The following TMEM106C variants were observed in gnomAD, a reference collection of about 807,000 sequenced individuals.
The protein encoded by TMEM106C is transmembrane protein 106C.
In TMEM106C, 27 loss-of-function variants were observed where a neutral mutation model predicts 30.8. The observed-to-expected ratio is 0.88, with a 90% confidence interval of 0.65 to 1.21. TMEM106C has a LOEUF of 1.21. Ranked by LOEUF, TMEM106C falls within the 50% of genes most tolerant of loss-of-function variation. The probability of loss-of-function intolerance (pLI) is 0.00; values close to 1 mark genes in which losing one functional copy is unlikely to be tolerated. For synonymous variants in TMEM106C, 123 were observed against 118.8 expected, an observed-to-expected ratio of 1.04 and a Z score of -0.23; for missense variants, 288 against 307.8, an observed-to-expected ratio of 0.94 and a Z score of 0.48.
rs753401785 is a variant in TMEM106C, at chr12:47,965,379, C to A, written c.251+34C>A. The A allele has an allele frequency of 7.6e-6, 12 of 1,573,402 alleles. 1 individual carries two copies. In the South Asian group the frequency reaches 1.3e-4, roughly 18 times the overall value. ...CCTGCTTCTCACCTGTTAATACCTACTTCTGTCCCTAATCTCTTTCTGTAT... is the reference window on the plus strand; with the variant it reads ...CCTGCTTCTCACCTGTTAATACCTAATTCTGTCCCTAATCTCTTTCTGTAT... On this transcript the variant is annotated intron_variant, in intron 3 of 7. Coordinates refer to ENST00000429772, the MANE Select transcript of TMEM106C (RefSeq NM_001143842.2).
rs202082515 is a variant in TMEM106C, at chr12:47,967,111, AG to A, written c.603-91del. ...TGGCAGCACTTAGGTCGGAAGGGGG[AG>A]GGGGGCACCCCAAACAGGACAGTGT... On this transcript the variant is annotated intron_variant, in intron 6 of 7. Transcript: ENST00000429772. 1.8e-5 allele frequency: 22 copies of A among 1,254,806 alleles called. No homozygotes were observed. In the East Asian group the frequency reaches 3.9e-4, roughly 22 times the overall value. The allele number at this position is 1,254,806 out of a possible 1,614,324, so 77.7% of individuals were successfully genotyped here.
At chr12:47,964,055 A>C in intron 1 of TMEM106C, 154 bp from the exon 2 acceptor site, 2 of 647,816 alleles carry the variant, frequency 3.1e-6, no homozygotes, top group South Asian at 3.8e-5. Context: ...GCACTACTAC[A>C]AAATGAGGGT....
rs749237830 is a variant in TMEM106C at position 47,965,335 on chromosome 12, C to G, written c.241C>G (p.Pro81Ala). The G allele has an allele frequency of 6.2e-7, 1 of 1,613,998 alleles. No homozygotes were observed. The highest frequency in any genetic ancestry group is 1.1e-5 in the South Asian group (1 of 91,058). The change falls in exon 3 of 8, where the codon CCT becomes GCT. Residue 81 changes from proline to alanine, a missense_variant. By Grantham distance (27) the Pro-to-Ala change is conservative. Transcript: ENST00000429772. The stretch of plus-strand genomic sequence containing the variant: ...CCCACACAGTGATCAGAGATTGCGC[C>G]CTCAGCGAACGTGAGTTACCTGCTT... The part of the protein sequence containing the change: ...LIPHSDQRLR[P>A]QRTKQYVLLS...
chr12:47,965,951 A>T lies in TMEM106C; in HGVS notation c.365A>T (p.Lys122Ile). Residue 122 changes from lysine to isoleucine, a missense_variant, in exon 4 of 8, where the codon AAA (lysine) becomes ATA (isoleucine). Physicochemically the swap from Lys to Ile is moderately radical, Grantham distance 102. Coordinates refer to ENST00000429772, the MANE Select transcript of TMEM106C (RefSeq NM_001143842.2). ...LVDDDGIKVVKVTFNKQDSLV... is the reference protein window; with the variant it reads ...LVDDDGIKVVIVTFNKQDSLV... ...GATGATGACGGCATCAAAGTGGTGA[A>T]AGTCACATTTAATAAGCAAGACTCC... is the stretch of plus-strand genomic sequence containing the variant. 3 of 1,614,182 alleles carry T rather than the reference A, an allele frequency of 1.9e-6. No individual in the cohort carries two copies. Among genetic ancestry groups the T allele is most frequent in the Non-Finnish European group, 2.5e-6 (3 of 1,180,040 alleles).
Position 47,966,100 on chromosome 12 carries a change from A to T in TMEM106C, c.423A>T (p.Lys141Asn). ...TTGCCCTGATGTAGGCCACCCTGAA[A>T]ATCAGGAACTCCAACTTCTACACGG... ...LVILTIMATL[K>N]IRNSNFYTVA... The change falls in exon 5 of 8, where the codon AAA becomes AAT. Residue 141 changes from lysine to asparagine, a missense_variant. Transcript: ENST00000429772. 1 of 1,614,204 alleles carries T rather than the reference A, an allele frequency of 6.2e-7. No individual in the cohort carries two copies. Among genetic ancestry groups the T allele is most frequent in the Non-Finnish European group, 8.5e-7 (1 of 1,180,042 alleles).
At chr12:47,967,123 C>CA in intron 6 of TMEM106C, 85 bp from the exon 7 acceptor site, 1 of 1,431,780 alleles carries the variant, frequency 7.0e-7, no homozygotes, top group Non-Finnish European at 9.8e-7. Context: ...GGGGGCACCC[C>CA]AAACAGGACA....
Position 47,968,347 on chromosome 12 carries a change from T to A in TMEM106C, c.*118T>A. 1.3e-6 allele frequency: 1 copy of A among 789,140 alleles called. No individual in the cohort carries two copies. Among genetic ancestry groups the A allele is most frequent in the Non-Finnish European group, 2.2e-6 (1 of 456,922 alleles). 48.9% of individuals were successfully genotyped at this position (789,140 alleles called of 1,614,324 possible). A position where few individuals can be genotyped will look rare whatever the true frequency, so the allele number is the denominator to read the frequency against. ...TAAGCAGAGGAGGAATTGGTTCACT[T>A]AACTCCCAGCAAACATCCTCCTGCC... is the stretch of plus-strand genomic sequence containing the variant. On this transcript the variant is annotated 3_prime_UTR_variant, in exon 8 of 8. Coordinates refer to ENST00000429772, the MANE Select transcript of TMEM106C (RefSeq NM_001143842.2).
chr12:47,968,504 C>T lies in TMEM106C; in HGVS notation c.*275C>T. The T allele has an allele frequency of 2.1e-6, 1 of 466,974 alleles. No homozygotes were observed. Among genetic ancestry groups the T allele is most frequent in the Non-Finnish European group, 4.0e-6 (1 of 247,820 alleles). The allele number at this position is 466,974 out of a possible 1,614,324, so 28.9% of individuals were successfully genotyped here. On this transcript the variant is annotated 3_prime_UTR_variant, in exon 8 of 8. Coordinates refer to ENST00000429772, the MANE Select transcript of TMEM106C (RefSeq NM_001143842.2). ...CAGAATTTAATACAGATCTTTTCAG[C>T]TGTTCTTAGGGCATTATAAATGGAA...
chr12:47,966,335 C>T lies in TMEM106C; in HGVS notation c.552+106C>T. Reference sequence around the variant, plus strand: ...TTTCCTTTTTGTCTCCTCATTTCTACTTGTAGGAACTGGTGATGAGGAAGA... The same window carrying T: ...TTTCCTTTTTGTCTCCTCATTTCTATTTGTAGGAACTGGTGATGAGGAAGA... On this transcript the variant is annotated intron_variant, in intron 5 of 7. Transcript: ENST00000429772. 11 of 1,317,556 alleles carry T rather than the reference C, an allele frequency of 8.3e-6. 1 individual carries two copies. The South Asian group carries it at 1.4e-4, about 17-fold the overall frequency. 81.6% of individuals were successfully genotyped at this position (1,317,556 alleles called of 1,614,324 possible).
rs1268627931 is a variant in TMEM106C at position 47,968,138 on chromosome 12, C to T, written c.662C>T (p.Ser221Leu). 3 of 1,611,562 alleles carry T rather than the reference C, an allele frequency of 1.9e-6. No individual in the cohort carries two copies. The highest frequency in any genetic ancestry group is 2.5e-6 in the Non-Finnish European group (3 of 1,177,664). The change falls in exon 8 of 8, where the codon TCA (serine) becomes TTA (leucine). Residue 221 changes from serine to leucine, a missense_variant. By Grantham distance (145) the Ser-to-Leu change is moderately radical. Coordinates refer to ENST00000429772, the MANE Select transcript of TMEM106C (RefSeq NM_001143842.2). ...VHNIVIFMRT[S>L]VKISYIGLMT... ...CTTGGTTTTCTTTTCCCTAGAACTT[C>T]AGTGAAGATTTCATACATTGGCCTC...
intron 1 of TMEM106C, 167 bp from the exon 2 acceptor site, chr12:47,964,042 G>A (rs1938136627): frequency 4.9e-6 from 3 of 616,802 alleles, no homozygotes; most frequent in Non-Finnish European, 8.5e-6. Context: ...AGGAGAGTGG[G>A]TAGCACTACT....
chr12:47,965,329 T>C lies in TMEM106C; in HGVS notation c.235T>C (p.Leu79=), dbSNP rs1226657351. ...TTTGATCCCACACAGTGATCAGAGATTGCGCCCTCAGCGAACGTGAGTTAC... is the reference window on the plus strand; with the variant it reads ...TTTGATCCCACACAGTGATCAGAGACTGCGCCCTCAGCGAACGTGAGTTAC... ...VALIPHSDQR[L]RPQRTKQYVL... Residue 79 remains leucine, a synonymous_variant, in exon 3 of 8, where the codon TTG becomes CTG. Transcript: ENST00000429772. The C allele has an allele frequency of 3.1e-6, 5 of 1,614,030 alleles. No homozygotes were observed. The East Asian group carries it at 6.7e-5, about 22-fold the overall frequency.
chr12:47,968,774 A>T lies in TMEM106C; in HGVS notation c.*545A>T, dbSNP rs1392019651. 6.1e-6 allele frequency: 1 copy of T among 164,856 alleles called. No homozygotes were observed. The highest frequency in any genetic ancestry group is 1.3e-5 in the Non-Finnish European group (1 of 75,952). The allele number at this position is 164,856 out of a possible 1,614,324, so 10.2% of individuals were successfully genotyped here. A position where few individuals can be genotyped will look rare whatever the true frequency, so the allele number is the denominator to read the frequency against. On this transcript the variant is annotated 3_prime_UTR_variant, in exon 8 of 8. Coordinates refer to ENST00000429772, the MANE Select transcript of TMEM106C (RefSeq NM_001143842.2). Reference sequence around the variant, plus strand: ...GCTTTTTTTTTTTTTAGAAAGTTAGAATTGTTTTTACCAAGAGTCTATGTG... The same window carrying T: ...GCTTTTTTTTTTTTTAGAAAGTTAGTATTGTTTTTACCAAGAGTCTATGTG...
At chr12:47,966,305 G>T (rs1938222732) in intron 5 of TMEM106C, 76 bp downstream of exon 5, 1 of 1,532,932 alleles carries the variant, frequency 6.5e-7, no homozygotes, top group East Asian at 2.3e-5. Context: ...CCATAGCTGT[G>T]TCACTTTCCT....
intron 7 of TMEM106C, 44 bp from the exon 8 acceptor site, chr12:47,968,089 A>T: frequency 6.5e-7 from 1 of 1,539,914 alleles, no homozygotes; most frequent in Non-Finnish European, 9.0e-7. Context: ...GGCTTATTTC[A>T]TCCCCCAAAC....
rs1405110456 is a variant in TMEM106C at position 47,966,697 on chromosome 12, G to C, written c.567G>C (p.Gly189=). 3.7e-6 allele frequency: 6 copies of C among 1,614,140 alleles called. No homozygotes were observed. The highest frequency in any genetic ancestry group is 5.1e-6 in the Non-Finnish European group (6 of 1,180,026). ...PRSEQLVNFT[G]KAEMGGPFSY... ...CTTATTTTCAGGTGAATTTTACCGG[G>C]AAGGCCGAGATGGGAGGACCGTTTT... The change falls in exon 6 of 8, where the codon GGG becomes GGC. Residue 189 remains glycine, a synonymous_variant. Transcript: ENST00000429772.
rs1329608004 is a variant in TMEM106C, at chr12:47,965,957, C to G, written c.371C>G (p.Thr124Arg). 1 of 1,614,228 alleles carries G rather than the reference C, an allele frequency of 6.2e-7. No individual in the cohort carries two copies. The highest frequency in any genetic ancestry group is 1.7e-5 in the Admixed American group (1 of 60,024). ...GACGGCATCAAAGTGGTGAAAGTCA[C>G]ATTTAATAAGCAAGACTCCCTTGTA... ...DDDGIKVVKV[T>R]FNKQDSLVIL... is the part of the protein sequence containing the mutation. Residue 124 changes from threonine to arginine, a missense_variant, in exon 4 of 8, where the codon ACA (threonine) becomes AGA (arginine). Thr to Arg is a moderately conservative substitution (Grantham distance 71). Transcript: ENST00000429772.
At chr12:47,964,062 G>C in intron 1 of TMEM106C, 147 bp from the exon 2 acceptor site, 1 of 652,020 alleles carries the variant, frequency 1.5e-6, no homozygotes, top group East Asian at 2.8e-5. Flanking sequence ...TACAAAATGA[G>C]GGTCCCGATA....
intron 6 of TMEM106C, 50 bp downstream of exon 6, chr12:47,966,782 T>C: frequency 1.3e-6 from 2 of 1,599,962 alleles, no homozygotes; most frequent in Non-Finnish European, 1.7e-6. Context: ...GGAAAGGGAT[T>C]CAAAGTCATA....
Sources: gnomAD v4.1 joint callset for allele counts on GRCh38, gnomAD v4.1.1 for gene constraint, MANE v1.5 for transcripts, NCBI Gene and HGNC (gene_info 2026-07-23, HGNC 2026-07-21) for gene names.